NGF: variants seen among roughly 807,000 people sequenced by gnomAD.
NGF encodes the protein beta-nerve growth factor.
Under a neutral mutation model 12.8 loss-of-function variants are expected in NGF, and 4 were observed. The observed-to-expected ratio is 0.31, with a 90% CI of 0.15 to 0.72. The LOEUF (loss-of-function observed/expected upper bound fraction) is 0.72, where lower values mean the gene tolerates loss of function less well. Among genes scored for constraint, NGF ranks in the 30% least tolerant of loss-of-function variants. The pLI is 0.69. For synonymous variants in NGF, 140 were observed against 130.0 expected (o/e 1.08, Z -0.52); for missense variants, 283 against 330.8 (o/e 0.86, Z 1.12).
chr1:115,309,568 C>T (rs1182766979), intron 1 of NGF, among the ~76,000 whole-genome samples: 1 of 152,134 alleles, frequency 6.6e-6, no homozygotes, highest in Non-Finnish European at 1.5e-5. Flanking sequence ...AATGCTATCC[C>T]TCCCCTGGCT....
Position 115,291,588 on chromosome 1 carries a change from G to T in NGF, c.-13+2039C>A, listed in dbSNP as rs191163484. ...TGGAAGATCCATGACTAAGAGTGGGGCAGCCCATTGGGATGCCTTTACAAC... is the reference window on the plus strand; with the variant it reads ...TGGAAGATCCATGACTAAGAGTGGGTCAGCCCATTGGGATGCCTTTACAAC... On this transcript the variant is annotated intron_variant, in intron 2 of 2. Coordinates refer to ENST00000369512, the MANE Select transcript of NGF (RefSeq NM_002506.3). Among the ~76,000 whole-genome samples the T allele has an allele frequency of 3.0e-3, 451 of 152,304 alleles. 8 individuals carry two copies. Among genetic ancestry groups the T allele is most frequent in the Admixed American group, 0.027 (412 of 15,298 alleles).
At position 115,333,812 on chromosome 1, in the gene NGF, T is replaced by C. The variant is rs553340119; in HGVS notation, c.-137+4392A>G. On this transcript the variant is annotated intron_variant, in intron 1 of 2. Coordinates refer to ENST00000369512, the MANE Select transcript of NGF (RefSeq NM_002506.3). ...TTCTTTTCTTTCTTTCTTTCTCTTTTTCTTTCTTTCTCTCTTCTCTCTCTC... is the reference window on the plus strand; with the variant it reads ...TTCTTTTCTTTCTTTCTTTCTCTTTCTCTTTCTTTCTCTCTTCTCTCTCTC... 4.4e-3 allele frequency among the ~76,000 whole-genome samples: 598 copies of C among 136,098 alleles called. 12 individuals are homozygous for C. The highest frequency in any genetic ancestry group is 0.017 in the African/African-American group (578 of 34,114). The allele number at this position is 136,098 out of a possible 152,430, so 89.3% of individuals were successfully genotyped here. A position where few individuals can be genotyped will look rare whatever the true frequency, so the allele number is the denominator to read the frequency against.
At position 115,285,990 on chromosome 1, in the gene NGF, T is replaced by C; in HGVS notation, c.*80A>G. 1 of 1,530,518 alleles carries C rather than the reference T, an allele frequency of 6.5e-7. No homozygotes were observed. The highest frequency in any genetic ancestry group is 1.2e-5 in the South Asian group (1 of 80,840). The allele number at this position is 1,530,518 out of a possible 1,614,324, so 94.8% of individuals were successfully genotyped here. A position where few individuals can be genotyped will look rare whatever the true frequency, so the allele number is the denominator to read the frequency against. On this transcript the variant is annotated 3_prime_UTR_variant, in exon 3 of 3. Transcript: ENST00000369512. Reference sequence around the variant, plus strand: ...ATAAATTACCATGCAGTCCTTATAATTTAAAATAATTTACAGGTTGAGGTA... The same window carrying C: ...ATAAATTACCATGCAGTCCTTATAACTTAAAATAATTTACAGGTTGAGGTA...
At chr1:115,309,500 C>T (rs1469885860) in intron 1 of NGF, among the ~76,000 whole-genome samples, 6 of 152,084 alleles carry the variant, frequency 3.9e-5, no homozygotes, top group East Asian at 3.9e-4. Context: ...TAGGTATACA[C>T]GTGCCATGGT....
chr1:115,318,657 C>G (rs1297510679), intron 1 of NGF, among the ~76,000 whole-genome samples: 5 of 152,188 alleles, frequency 3.3e-5, no homozygotes. Context: ...TTTGTTGTTA[C>G]TTCTCTACTC....
intron 1 of NGF, among the ~76,000 whole-genome samples, chr1:115,329,691 T>A (rs1233859495): frequency 6.6e-6 from 1 of 152,080 alleles, no homozygotes; most frequent in Non-Finnish European, 1.5e-5. Context: ...TAATGAGAGT[T>A]GCACACTAAG....
intron 1 of NGF, among the ~76,000 whole-genome samples, chr1:115,302,751 A>G (rs1654077504): frequency 6.6e-6 from 1 of 152,174 alleles, no homozygotes; most frequent in South Asian, 2.1e-4. Flanking sequence ...ACTGACTGCC[A>G]CAGCTCCCTC....
chr1:115,320,030 C>T (rs1654575578), intron 1 of NGF, among the ~76,000 whole-genome samples: 1 of 152,062 alleles, frequency 6.6e-6, no homozygotes, highest in African/African-American at 2.4e-5. Flanking sequence ...TCCAGATGGC[C>T]CAGGGTCTGA....
intron 1 of NGF, among the ~76,000 whole-genome samples, chr1:115,331,433 T>C (rs1321702293): frequency 1.3e-5 from 2 of 152,106 alleles, no homozygotes; most frequent in African/African-American, 4.8e-5. Flanking sequence ...CTCTTGGAGG[T>C]CATATATTCA....
intron 1 of NGF, among the ~76,000 whole-genome samples, chr1:115,333,803 T>TC (rs1655026274): frequency 3.5e-5 from 4 of 113,386 alleles, no homozygotes; most frequent in African/African-American, 1.1e-4. Flanking sequence ...TCTTTCTTTC[T>TC]TTCTCTTTTT....
At chr1:115,337,267 G>GTTTGTTTT in intron 1 of NGF, among the ~76,000 whole-genome samples, 26 of 81,020 alleles carry the variant, frequency 3.2e-4, no homozygotes, top group South Asian at 1.2e-3. Flanking sequence ...TTTTGTTTTT[G>GTTTGTTTT]TTTTTTTTTT....
intron 1 of NGF, among the ~76,000 whole-genome samples, chr1:115,306,960 C>T (rs1654219549): frequency 6.6e-6 from 1 of 152,202 alleles, no homozygotes; most frequent in South Asian, 2.1e-4. Flanking sequence ...TGATTGATGG[C>T]CCTGGCCCTG....
intron 1 of NGF, among the ~76,000 whole-genome samples, chr1:115,324,328 G>T (rs1654710465): frequency 6.6e-6 from 1 of 152,096 alleles, no homozygotes; most frequent in Non-Finnish European, 1.5e-5. Context: ...CTCAGTCTCT[G>T]CCAGGCTACA....
chr1:115,305,190 G>A (rs922810364), intron 1 of NGF, among the ~76,000 whole-genome samples: 2 of 152,166 alleles, frequency 1.3e-5, no homozygotes, highest in Admixed American at 1.3e-4. Context: ...CATGTATTAT[G>A]TATTATGTAC....
Position 115,286,631 on chromosome 1 carries a change from C to T in NGF, c.165G>A (p.Pro55=), listed in dbSNP as rs149876217. The part of the protein sequence containing the change: ...DTALRRARSA[P]AAAIAARVAG... The stretch of plus-strand genomic sequence containing the variant: ...CCACGCGTGCAGCTATCGCCGCTGC[C>T]GGGGCGCTGCGGGCTCTGCGAAGGG... Residue 55 remains proline (P), a synonymous_variant, in exon 3 of 3, where the codon CCG becomes CCA. Transcript: ENST00000369512. 1.4e-4 allele frequency: 234 copies of T among 1,614,072 alleles called. No individual in the cohort carries two copies. Among genetic ancestry groups the T allele is most frequent in the Admixed American group, 4.8e-4 (29 of 60,010 alleles).
At chr1:115,294,765 C>T (rs1410837874) in intron 1 of NGF, among the ~76,000 whole-genome samples, 1 of 151,996 alleles carries the variant, frequency 6.6e-6, no homozygotes, top group Non-Finnish European at 1.5e-5. Context: ...GTGCAAAGGC[C>T]CTGAGCTAGA....
intron 1 of NGF, among the ~76,000 whole-genome samples, chr1:115,324,119 AC>A (rs1367196799): frequency 6.6e-6 from 1 of 152,168 alleles, no homozygotes; most frequent in Non-Finnish European, 1.5e-5. Flanking sequence ...GTGAACACCC[AC>A]CCATCACCTG....
At chr1:115,310,315 T>C (rs928151382) in intron 1 of NGF, among the ~76,000 whole-genome samples, 5 of 152,252 alleles carry the variant, frequency 3.3e-5, no homozygotes, top group Admixed American at 2.0e-4. Flanking sequence ...GCTGGTAATG[T>C]TGTTATAATG....
intron 1 of NGF, among the ~76,000 whole-genome samples, chr1:115,296,025 G>C (rs1294594560): frequency 2.0e-5 from 3 of 152,196 alleles, no homozygotes; most frequent in African/African-American, 7.2e-5. Flanking sequence ...TATGTGACAT[G>C]ATATGAAAAC....
Sources: gnomAD v4.1 joint callset for allele counts (sites outside exome capture counted in the v4.1 genomes callset) on GRCh38, gnomAD v4.1.1 for gene constraint, MANE v1.5 for transcripts, NCBI Gene and HGNC (gene_info 2026-07-23, HGNC 2026-07-21) for gene names.